Variants in DOCK1 observed in about 807,000 individuals in gnomAD.
DOCK1 encodes dedicator of cytokinesis 1.
Under a neutral mutation model 262.7 loss-of-function variants are expected in DOCK1, and 138 were observed. The observed-to-expected ratio is 0.53, with a 90% CI of 0.46 to 0.61. The LOEUF is 0.61. Ranked by LOEUF, DOCK1 falls within the 20% of genes least tolerant of loss-of-function variation. The pLI is 0.00. For missense variants in DOCK1, 1,908 were observed against 2,370.7 expected (o/e 0.80, Z 4.05); for synonymous variants, 866 against 867.4 (o/e 1.00, Z 0.03).
chr10:127,278,962 C>T (rs1361898013), intron 29 of DOCK1, among the ~76,000 whole-genome samples: 1 of 152,194 alleles, frequency 6.6e-6, no homozygotes, highest in African/African-American at 2.4e-5. Context: ...CCCTAAGGTG[C>T]CTACCATGTC....
chr10:127,071,947 A>G (rs1379365991), intron 23 of DOCK1, among the ~76,000 whole-genome samples: 1 of 152,154 alleles, frequency 6.6e-6, no homozygotes, highest in Non-Finnish European at 1.5e-5. Context: ...GTCCCCAGTA[A>G]TGATGCTCAC....
chr10:127,167,141 T>C (rs1034915365), intron 27 of DOCK1, among the ~76,000 whole-genome samples: 1 of 152,164 alleles, frequency 6.6e-6, no homozygotes, highest in Non-Finnish European at 1.5e-5. Context: ...TACAAAGTTA[T>C]ATAAATATAA....
chr10:127,412,118 A>G (rs1248358135), intron 43 of DOCK1, among the ~76,000 whole-genome samples: 2 of 151,418 alleles, frequency 1.3e-5, no homozygotes, highest in Non-Finnish European at 2.9e-5. Context: ...GCCCGCCACT[A>G]CGCCCGGCTA....
intron 16 of DOCK1, 58 bp downstream of exon 16, chr10:127,026,482 C>T (rs890055478): frequency 3.3e-5 from 48 of 1,468,290 alleles, no homozygotes; most frequent in Non-Finnish European, 4.4e-5. Context: ...TGGGGGAAAG[C>T]GCGAGAGGCC....
At chr10:127,314,582 A>G (rs1298109529) in intron 29 of DOCK1, among the ~76,000 whole-genome samples, 1 of 151,846 alleles carries the variant, frequency 6.6e-6, no homozygotes, top group African/African-American at 2.4e-5. Context: ...AACCTCATAG[A>G]TCCTGTTTTG....
At chr10:126,916,350 TA>T (rs1394951274) in intron 1 of DOCK1, among the ~76,000 whole-genome samples, 4 of 152,242 alleles carry the variant, frequency 2.6e-5, no homozygotes, top group Non-Finnish European at 5.9e-5. Flanking sequence ...GTGATTGTTT[TA>T]AATTGGAAAA....
In DOCK1 at chr10:127,415,132, T is replaced by C. The variant is rs1423184055; in HGVS notation, c.4429-20T>C. 6.2e-6 allele frequency: 10 copies of C among 1,609,158 alleles called. No individual in the cohort carries two copies. The highest frequency in any genetic ancestry group is 2.7e-5 in the African/African-American group (2 of 74,866). ...TGACATCCTTCTAACCCGTGTTGTG[T>C]GTGTGTGTTTCCTTTGCAGAATATG... On this transcript the variant is annotated intron_variant, in intron 43 of 51. Transcript: ENST00000623213.
chr10:127,051,780 A>G (rs1408599735), intron 21 of DOCK1, among the ~76,000 whole-genome samples: 1 of 152,006 alleles, frequency 6.6e-6, no homozygotes, highest in Non-Finnish European at 1.5e-5. Flanking sequence ...GCAGGGTTTC[A>G]TTTTGTTGTC....
At position 127,175,380 on chromosome 10, in the gene DOCK1, G is replaced by A. The variant is rs144141274; in HGVS notation, c.2847+47616G>A. On this transcript the variant is annotated intron_variant, in intron 27 of 51. Coordinates refer to ENST00000623213, the MANE Select transcript of DOCK1 (RefSeq NM_001290223.2). This position sits in a 1 kb window ranked among gnomAD's most constrained non-coding sequence, Gnocchi z 6.3. ...TTGGCATTCTTCACCTGCAGCAACC[G>A]CTGTGGGACTAGGCTGGTTCCCCAG... 55 of 1,613,902 alleles carry A rather than the reference G, an allele frequency of 3.4e-5. No homozygotes were observed. In the African/African-American group the frequency reaches 5.7e-4, roughly 17 times the overall value.
At chr10:127,128,446 G>A (rs977457017) in intron 27 of DOCK1, among the ~76,000 whole-genome samples, 14 of 149,840 alleles carry the variant, frequency 9.3e-5, no homozygotes, top group South Asian at 2.1e-4. Flanking sequence ...GTAGGTATGC[G>A]TGTGCCATGG....
At chr10:127,163,549 T>A (rs1378798166) in intron 27 of DOCK1, among the ~76,000 whole-genome samples, 1 of 152,134 alleles carries the variant, frequency 6.6e-6, no homozygotes, top group Non-Finnish European at 1.5e-5. Context: ...AGTGAATGAA[T>A]GAGGAGTCTG....
chr10:127,421,031 C>G (rs1042975847), intron 46 of DOCK1, among the ~76,000 whole-genome samples: 14 of 151,892 alleles, frequency 9.2e-5, no homozygotes, highest in African/African-American at 3.4e-4. Context: ...ATTCTCCTGC[C>G]TTAGCCTTCC....
intron 29 of DOCK1, among the ~76,000 whole-genome samples, chr10:127,314,534 A>G (rs937626847): frequency 3.3e-5 from 5 of 152,196 alleles, no homozygotes; most frequent in Non-Finnish European, 2.9e-5. Context: ...CCCTGTAGGG[A>G]GTTGCAGACG....
rs1033042171 is a variant in DOCK1, at chr10:127,058,605, T to C, written c.2337-3063T>C. Among the ~76,000 whole-genome samples the C allele has an allele frequency of 4.2e-4, 64 of 151,702 alleles. 2 individuals are homozygous for C. Among genetic ancestry groups the C allele is most frequent in the African/African-American group, 1.5e-3 (60 of 41,090 alleles). ...TTTCCTCCTTTTTTGCCTTCTTTTA[T>C]ACCAGTTACACTTTTTTTAAGCATC... On this transcript the variant is annotated intron_variant, in intron 22 of 51. Transcript: ENST00000623213.
At chr10:127,119,677 C>G (rs1259198784) in intron 25 of DOCK1, among the ~76,000 whole-genome samples, 1 of 152,212 alleles carries the variant, frequency 6.6e-6, no homozygotes, top group African/African-American at 2.4e-5. Flanking sequence ...TATTCTGGAT[C>G]TCAGTTCTAT....
intron 27 of DOCK1, among the ~76,000 whole-genome samples, chr10:127,193,047 A>C (rs528568525): frequency 8.3e-4 from 126 of 152,360 alleles, no homozygotes; most frequent in Non-Finnish European, 1.7e-3. Context: ...TATCAATCAT[A>C]TTAAATTTTG....
intron 27 of DOCK1, among the ~76,000 whole-genome samples, chr10:127,210,391 A>G (rs1440109736): frequency 3.3e-5 from 5 of 152,214 alleles, no homozygotes; most frequent in Non-Finnish European, 7.3e-5. Flanking sequence ...AAAGGGACCG[A>G]TGCCTGAGAA....
chr10:126,986,606 A>G (rs2039408838), intron 4 of DOCK1, among the ~76,000 whole-genome samples: 1 of 152,188 alleles, frequency 6.6e-6, no homozygotes, highest in South Asian at 2.1e-4. Context: ...TAAATAGGTA[A>G]TGAGTTAAGA....
intron 27 of DOCK1, among the ~76,000 whole-genome samples, chr10:127,210,320 A>G (rs1334722222): frequency 6.6e-6 from 1 of 152,132 alleles, no homozygotes; most frequent in South Asian, 2.1e-4. Context: ...TGTCTCGGCA[A>G]ATGACTCCCA....
Sources: gnomAD v4.1 joint callset for allele counts (sites outside exome capture counted in the v4.1 genomes callset) on GRCh38, gnomAD v4.1.1 for gene constraint, Gnocchi (gnomAD v3.1) non-coding constraint, MANE v1.5 for transcripts, NCBI Gene and HGNC (gene_info 2026-07-23, HGNC 2026-07-21) for gene names.